The following CDC27 variants were observed in gnomAD, a reference collection of about 807,000 sequenced individuals.
The protein encoded by CDC27 is cell division cycle 27.
CDC27 carries 27 observed loss-of-function variants against 109.7 expected under a neutral mutation model. The ratio of observed to expected loss-of-function variants is 0.25; its 90% CI spans 0.18 to 0.34. The LOEUF is 0.34. Ranked by LOEUF, CDC27 falls within the 10% of genes least tolerant of loss-of-function variation. The pLI is 1.00. For synonymous variants in CDC27, 266 were observed against 333.9 expected (o/e 0.80, Z 2.22); for missense variants, 579 against 960.2 (o/e 0.60, Z 5.25).
chr17:47,139,302 T>C (rs1477519980), intron 12 of CDC27, among the ~76,000 whole-genome samples: 1 of 150,680 alleles, frequency 6.6e-6, no homozygotes, highest in Non-Finnish European at 1.5e-5. Flanking sequence ...AGTCTCACTC[T>C]GTCGCCCAGG....
At chr17:47,163,603 T>C (rs2063558668) in intron 4 of CDC27, among the ~76,000 whole-genome samples, 1 of 152,158 alleles carries the variant, frequency 6.6e-6, no homozygotes, top group African/African-American at 2.4e-5. Context: ...AAGAACTTCC[T>C]TGTTTACATA....
At chr17:47,136,457 G>A (rs1370509333) in intron 14 of CDC27, among the ~76,000 whole-genome samples, 1 of 152,138 alleles carries the variant, frequency 6.6e-6, no homozygotes, top group East Asian at 1.9e-4. Context: ...CTACCACAGA[G>A]TTATGGCTTC....
At chr17:47,133,028 T>TATATATATACACAC (rs1555783886) in intron 14 of CDC27, among the ~76,000 whole-genome samples, 3 of 29,828 alleles carry the variant, frequency 1.0e-4, no homozygotes, top group Non-Finnish European at 1.8e-4. Context: ...TATATATATA[T>TATATATATACACAC]ACACACACAC....
rs575941416 is a variant in CDC27, at chr17:47,152,213, C to T, written c.958-295G>A. Among the ~76,000 whole-genome samples, 5 of 152,148 alleles carry T rather than the reference C, an allele frequency of 3.3e-5. No individual in the cohort carries two copies. In the South Asian group the frequency reaches 1.0e-3, roughly 32 times the overall value. On this transcript the variant is annotated intron_variant, in intron 8 of 18. Transcript: ENST00000066544. ...AGCTATTCTTTTCATCTCATTGTGA[C>T]CATCCTCCATTTATTACATACCTTC...
chr17:47,146,956 A>G (rs1102462), intron 9 of CDC27, among the ~76,000 whole-genome samples: 92,408 of 151,830 alleles, frequency 0.61, 28,604 homozygotes, highest in Admixed American at 0.69. Flanking sequence ...CCAGCTACCC[A>G]GGAGCCTGAA....
intron 14 of CDC27, among the ~76,000 whole-genome samples, chr17:47,133,062 T>TATATACAC (rs373677958): frequency 1.6e-4 from 12 of 73,702 alleles, no homozygotes; most frequent in East Asian, 1.2e-3. Flanking sequence ...CACATACATA[T>TATATACAC]ACACACACAC....
At chr17:47,176,577 A>C (rs1330739862) in intron 2 of CDC27, among the ~76,000 whole-genome samples, 3 of 152,186 alleles carry the variant, frequency 2.0e-5, no homozygotes, top group Non-Finnish European at 4.4e-5. Flanking sequence ...GAGGAGAAAA[A>C]AGATGGCCAA....
intron 8 of CDC27, among the ~76,000 whole-genome samples, chr17:47,152,363 A>T (rs2148900894): frequency 6.6e-6 from 1 of 152,308 alleles, no homozygotes; most frequent in Admixed American, 6.5e-5. Context: ...GGCACTTGGT[A>T]ACAGTTCTAA....
intron 12 of CDC27, among the ~76,000 whole-genome samples, chr17:47,139,519 G>A (rs879623947): frequency 7.5e-4 from 113 of 151,370 alleles, no homozygotes; most frequent in Non-Finnish European, 1.0e-3. Context: ...CACCCGCCTC[G>A]GCCTCCCAAA....
At chr17:47,158,066 T>A in intron 5 of CDC27, 140 bp downstream of exon 5, 1 of 416,406 alleles carries the variant, frequency 2.4e-6, no homozygotes, top group Non-Finnish European at 4.3e-6. Context: ...AGATTCTAAC[T>A]TATTTTTTAT....
At chr17:47,165,038 C>T (rs2063603192) in intron 4 of CDC27, among the ~76,000 whole-genome samples, 1 of 152,298 alleles carries the variant, frequency 6.6e-6, no homozygotes, top group East Asian at 1.9e-4. Flanking sequence ...TTCTCCTTCA[C>T]TATAATTCTG....
In CDC27 at chr17:47,123,873, C is replaced by T. The variant is rs200895472; in HGVS notation, c.2235+13G>A. On this transcript the variant is annotated intron_variant, in intron 17 of 18. Transcript: ENST00000066544. Reference sequence around the variant, plus strand: ...TGAAAGTCACTGTTTGGGACCATGACCCCAGTCTTTACCTTTCCTATTAAG... The same window carrying T: ...TGAAAGTCACTGTTTGGGACCATGATCCCAGTCTTTACCTTTCCTATTAAG... 2.7e-4 allele frequency: 420 copies of T among 1,561,756 alleles called. No individual in the cohort carries two copies. The highest frequency in any genetic ancestry group is 3.4e-4 in the Non-Finnish European group (394 of 1,153,356).
Position 47,142,313 on chromosome 17 carries a change from A to G in CDC27, c.1294T>C (p.Leu432=). 1.3e-6 allele frequency: 2 copies of G among 1,576,800 alleles called. No individual in the cohort carries two copies. Among genetic ancestry groups the G allele is most frequent in the Non-Finnish European group, 1.7e-6 (2 of 1,148,406 alleles). The change falls in exon 11 of 19, where the codon TTG becomes CTG. Residue 432 remains leucine (L), a synonymous_variant. Coordinates refer to ENST00000066544, the MANE Select transcript of CDC27 (RefSeq NM_001256.6). ...CCTTCTGAAATGATGGAAGAGTCCA[A>G]TTTTGTAATTTCCAGGCTATCATTT... is the stretch of plus-strand genomic sequence containing the variant. The part of the protein sequence containing the change: ...NINDSLEITK[L]DSSIISEGKI...
intron 14 of CDC27, among the ~76,000 whole-genome samples, chr17:47,133,104 T>C (rs2062435514): frequency 3.9e-4 from 3 of 7,616 alleles, no homozygotes; most frequent in African/African-American, 6.7e-4. Flanking sequence ...CACACAAATA[T>C]ACATATATAT....
chr17:47,169,968 T>C lies in CDC27; in HGVS notation c.326A>G (p.Glu109Gly). 5.0e-6 allele frequency: 8 copies of C among 1,598,782 alleles called. No individual in the cohort carries two copies. The highest frequency in any genetic ancestry group is 6.8e-6 in the Non-Finnish European group (8 of 1,172,854). ...KQKSHDDIVT[E>G]FGDSACFTLS... is the part of the protein sequence containing the mutation. The stretch of plus-strand genomic sequence containing the variant: ...AGTAAAGCAAGCTGAATCACCAAAC[T>C]CAGTAACAATATCATCATGGCTTTT... Residue 109 changes from glutamate to glycine, a missense_variant, in exon 4 of 19, where the codon GAG (glutamate) becomes GGG (glycine). By Grantham distance (98) the Glu-to-Gly change is moderately conservative (BLOSUM62 -2). This residue lies in a region of CDC27 where 52 missense variants were observed against 63.4 expected (regional missense o/e 0.82). Coordinates refer to ENST00000066544, the MANE Select transcript of CDC27 (RefSeq NM_001256.6).
intron 4 of CDC27, among the ~76,000 whole-genome samples, chr17:47,165,096 CT>C (rs1396610223): frequency 3.3e-5 from 5 of 152,086 alleles, no homozygotes; most frequent in Non-Finnish European, 7.4e-5. Flanking sequence ...CTGAAATTGG[CT>C]TTTTTCACTT....
At chr17:47,133,751 A>AT (rs796080710) in intron 14 of CDC27, among the ~76,000 whole-genome samples, 3 of 150,838 alleles carry the variant, frequency 2.0e-5, no homozygotes, top group Non-Finnish European at 4.4e-5. Flanking sequence ...GCCTACATAT[A>AT]TTTTTTTTCT....
intron 1 of CDC27, among the ~76,000 whole-genome samples, chr17:47,184,265 G>A (rs976624595): frequency 3.9e-5 from 6 of 152,148 alleles, no homozygotes; most frequent in African/African-American, 1.4e-4. Context: ...AATGCTCCTA[G>A]TATACTATCA....
At position 47,142,357 on chromosome 17, in the gene CDC27, C is replaced by G. The variant is rs77609498; in HGVS notation, c.1250G>C (p.Gly417Ala). The G allele has an allele frequency of 3.3e-5, 50 of 1,510,542 alleles. No homozygotes were observed. The African/African-American group carries it at 6.2e-4, about 19-fold the overall frequency. The allele number at this position is 1,510,542 out of a possible 1,614,324, so 93.6% of individuals were successfully genotyped here. Residue 417 changes from glycine to alanine, a missense_variant, in exon 11 of 19, where the codon GGA becomes GCA. This residue lies in a region of CDC27 where 58 missense variants were observed against 116.6 expected (regional missense o/e 0.50). Transcript: ENST00000066544. ...ATCATTTATGTTAGGTTGAGTTATT[C>G]CTCCTTTATTAGTTTTACTTTTTGT... ...RKTKSKTNKG[G>A]ITQPNINDSL...
Sources: gnomAD v4.1 joint callset for allele counts (sites outside exome capture counted in the v4.1 genomes callset) on GRCh38, gnomAD v4.1.1 for gene constraint, gnomAD v4.1.1 regional missense constraint, MANE v1.5 for transcripts, NCBI Gene and HGNC (gene_info 2026-07-23, HGNC 2026-07-21) for gene names.